The following AOPEP variants were observed in gnomAD, a reference collection of about 807,000 sequenced individuals.
The protein encoded by AOPEP is aminopeptidase O.
A neutral mutation model predicts 98.1 loss-of-function variants in AOPEP; 77 were observed. That is an observed-to-expected ratio of 0.78 (90% CI 0.65 to 0.95). The LOEUF (loss-of-function observed/expected upper bound fraction) is 0.95. Ranked by LOEUF, AOPEP falls within the 40% of genes least tolerant of loss-of-function variation. The pLI is 0.00. For synonymous variants in AOPEP, 346 were observed against 365.3 expected, an observed-to-expected ratio of 0.95 and a Z score of 0.60; for missense variants, 1,024 against 1,024.7, an observed-to-expected ratio of 1.00 and a Z score of 0.01.
intron 1 of AOPEP, among the ~76,000 whole-genome samples, chr9:94,742,772 A>G (rs562575474): frequency 1.3e-5 from 2 of 152,166 alleles, no homozygotes; most frequent in African/African-American, 4.8e-5. Context: ...CCCTGATTAT[A>G]TTTATGTTGA....
At chr9:94,869,072 T>C (rs1226070114) in intron 5 of AOPEP, among the ~76,000 whole-genome samples, 1 of 151,858 alleles carries the variant, frequency 6.6e-6, no homozygotes, top group Admixed American at 6.6e-5. Context: ...CTACTAAAAA[T>C]ACAAAAATTA....
At chr9:95,061,860 G>C (rs1344405563) in intron 14 of AOPEP, among the ~76,000 whole-genome samples, 1 of 152,184 alleles carries the variant, frequency 6.6e-6, no homozygotes, top group Non-Finnish European at 1.5e-5. Context: ...ATTTACAACT[G>C]TTGCTGTTTA....
intron 13 of AOPEP, among the ~76,000 whole-genome samples, chr9:95,014,545 CTG>C (rs1564524857): frequency 1.3e-5 from 2 of 152,158 alleles, no homozygotes; most frequent in South Asian, 4.2e-4. Context: ...GATGTTCTGT[CTG>C]TGAAAAGTAA....
intron 5 of AOPEP, among the ~76,000 whole-genome samples, chr9:94,880,185 G>A (rs78739744): frequency 0.015 from 2,283 of 152,172 alleles, 54 homozygotes; most frequent in African/African-American, 0.052. Flanking sequence ...CAGTTTTACA[G>A]GTATCATCTT....
At chr9:94,978,208 C>T (rs1036264183) in intron 10 of AOPEP, among the ~76,000 whole-genome samples, 2 of 151,928 alleles carry the variant, frequency 1.3e-5, no homozygotes, top group African/African-American at 4.8e-5. Flanking sequence ...TCTAGAATTC[C>T]AAAAGGGAGG....
intron 5 of AOPEP, among the ~76,000 whole-genome samples, chr9:94,880,426 G>A (rs1345342007): frequency 6.9e-6 from 1 of 145,780 alleles, no homozygotes; most frequent in Non-Finnish European, 1.5e-5. Flanking sequence ...GAGTGCCATG[G>A]CGTGACCATG....
chr9:95,015,912 G>C (rs1254960069), intron 13 of AOPEP, among the ~76,000 whole-genome samples: 1 of 152,158 alleles, frequency 6.6e-6, no homozygotes, highest in Non-Finnish European at 1.5e-5. Flanking sequence ...ATGTTGGCCA[G>C]GGTGGTCTCG....
At chr9:95,076,503 A>G (rs1375965043) in intron 14 of AOPEP, among the ~76,000 whole-genome samples, 2 of 152,246 alleles carry the variant, frequency 1.3e-5, no homozygotes, top group Non-Finnish European at 1.5e-5. Flanking sequence ...CCCTGCAACC[A>G]TTAATACAAG....
chr9:95,116,816 G>C, the AOPEP span, among the ~76,000 whole-genome samples: 7 of 152,362 alleles, frequency 4.6e-5, no homozygotes, highest in Non-Finnish European at 8.8e-5. Flanking sequence ...AGAGGCTGTG[G>C]ATGAAGCACC....
chr9:94,748,400 C>T (rs1009845476), intron 1 of AOPEP, among the ~76,000 whole-genome samples: 3 of 152,006 alleles, frequency 2.0e-5, no homozygotes, highest in South Asian at 2.1e-4. Context: ...TATCTCTCAC[C>T]AAATTTGGAA....
chr9:94,749,828 T>C (rs1324449945), intron 1 of AOPEP, among the ~76,000 whole-genome samples: 3 of 152,240 alleles, frequency 2.0e-5, no homozygotes, highest in Non-Finnish European at 4.4e-5. Context: ...TATCTGTTAA[T>C]TCTAATATTT....
chr9:94,973,312 C>CA, intron 10 of AOPEP, among the ~76,000 whole-genome samples: 1 of 152,194 alleles, frequency 6.6e-6, no homozygotes, highest in East Asian at 1.9e-4. Flanking sequence ...GCAGATCCAT[C>CA]CTATAATCCC....
chr9:94,949,765 A>C (rs994894933), intron 7 of AOPEP, among the ~76,000 whole-genome samples: 1 of 152,202 alleles, frequency 6.6e-6, no homozygotes, highest in African/African-American at 2.4e-5. Context: ...TAGATAGGAA[A>C]ATTGTCACCG....
rs1303783874 is a variant in AOPEP, at chr9:94,881,374, G to C, written c.1365-42612G>C. ...GCAGACAACTCTTTTCCAGTGTCCTGCTTATTTGCAAGGAAGGCAGACATC... is the reference window on the plus strand; with the variant it reads ...GCAGACAACTCTTTTCCAGTGTCCTCCTTATTTGCAAGGAAGGCAGACATC... On this transcript the variant is annotated intron_variant, in intron 5 of 16. Transcript: ENST00000375315. Among the ~76,000 whole-genome samples, 3 of 151,896 alleles carry C rather than the reference G, an allele frequency of 2.0e-5. 1 individual carries two copies. In the East Asian group the frequency reaches 5.8e-4, roughly 29 times the overall value.
intron 3 of AOPEP, among the ~76,000 whole-genome samples, chr9:94,790,864 T>C (rs569749796): frequency 4.8e-4 from 73 of 151,786 alleles, no homozygotes; most frequent in Non-Finnish European, 8.8e-4. Context: ...ACCGACCAAA[T>C]TGGACAACCA....
chr9:95,105,302 C>T, the AOPEP span, among the ~76,000 whole-genome samples: 4 of 152,174 alleles, frequency 2.6e-5, no homozygotes, highest in African/African-American at 9.7e-5. Flanking sequence ...CAGTCAGGCC[C>T]GGCCTGGACG....
intron 5 of AOPEP, among the ~76,000 whole-genome samples, chr9:94,913,199 T>C (rs970085295): frequency 1.3e-5 from 2 of 152,230 alleles, no homozygotes; most frequent in African/African-American, 4.8e-5. Flanking sequence ...GAGCTGTAGA[T>C]ATCCAATAAA....
At chr9:94,963,800 A>G (rs1318407855) in intron 9 of AOPEP, among the ~76,000 whole-genome samples, 2 of 152,258 alleles carry the variant, frequency 1.3e-5, no homozygotes, top group African/African-American at 4.8e-5. Flanking sequence ...TAGGAAAGAA[A>G]GAAGACAGAC....
intron 3 of AOPEP, among the ~76,000 whole-genome samples, chr9:94,786,207 T>C (rs941236470): frequency 6.6e-6 from 1 of 152,246 alleles, no homozygotes; most frequent in African/African-American, 2.4e-5. Flanking sequence ...TGCCTAGTGA[T>C]CACTCTATAG....
Sources: allele counts gnomAD v4.1 joint callset (sites outside exome capture counted in the v4.1 genomes callset), GRCh38; gene constraint gnomAD v4.1.1; transcripts MANE v1.5; gene names NCBI Gene and HGNC (gene_info 2026-07-23, HGNC 2026-07-21).